AGMO: variants seen among roughly 807,000 people sequenced by gnomAD.
AGMO encodes the protein alkylglycerol monooxygenase.
A neutral mutation model predicts 60.2 loss-of-function variants in AGMO; 75 were observed. The ratio of observed to expected loss-of-function variants is 1.25; its 90% CI spans 1.03 to 1.51. The LOEUF is 1.51. AGMO is among the 40% of genes most tolerant of loss of function. AGMO has a pLI of 0.00. For synonymous variants in AGMO, 261 were observed against 177.1 expected, an observed-to-expected ratio of 1.47 and a Z score of -3.76; for missense variants, 763 against 525.5, an observed-to-expected ratio of 1.45 and a Z score of -4.42.
intron 3 of AGMO, among the ~76,000 whole-genome samples, chr7:15,534,338 G>A (rs1481745861): frequency 6.6e-6 from 1 of 151,890 alleles, no homozygotes; most frequent in Non-Finnish European, 1.5e-5. Flanking sequence ...CTTTAAAATA[G>A]CAAATTAAAA....
chr7:15,342,802 A>C (rs893435210), intron 12 of AGMO, among the ~76,000 whole-genome samples: 1 of 107,180 alleles, frequency 9.3e-6, no homozygotes, highest in African/African-American at 4.7e-5. Flanking sequence ...AAAAAAAAAA[A>C]AAATTGATCT....
At chr7:15,260,104 T>A (rs1411139656) in intron 12 of AGMO, among the ~76,000 whole-genome samples, 2 of 151,316 alleles carry the variant, frequency 1.3e-5, no homozygotes, top group Non-Finnish European at 2.9e-5. Context: ...AAAATTGAAT[T>A]TAAATGGCCT....
intron 2 of AGMO, among the ~76,000 whole-genome samples, chr7:15,546,447 T>C (rs967735961): frequency 6.6e-6 from 1 of 152,226 alleles, no homozygotes; most frequent in East Asian, 1.9e-4. Context: ...CTGAATACTC[T>C]AGAATACATT....
chr7:15,223,951 G>C (rs1184390415), intron 12 of AGMO, among the ~76,000 whole-genome samples: 1 of 151,962 alleles, frequency 6.6e-6, no homozygotes, highest in South Asian at 2.1e-4. Context: ...AACAAACTTG[G>C]CTGGAGGCTA....
intron 3 of AGMO, among the ~76,000 whole-genome samples, chr7:15,525,604 A>G (rs1199629943): frequency 6.6e-6 from 1 of 152,090 alleles, no homozygotes; most frequent in Non-Finnish European, 1.5e-5. Flanking sequence ...ACTTTCAGGG[A>G]GATCTCATTC....
chr7:15,552,158 C>G (rs1583681420), intron 2 of AGMO, among the ~76,000 whole-genome samples: 1 of 152,112 alleles, frequency 6.6e-6, no homozygotes, highest in African/African-American at 2.4e-5. Flanking sequence ...ACACCCTATA[C>G]AAAAATCAAT....
intron 12 of AGMO, among the ~76,000 whole-genome samples, chr7:15,269,022 TTTC>T (rs1353403271): frequency 2.0e-5 from 3 of 152,058 alleles, no homozygotes; most frequent in Non-Finnish European, 4.4e-5. Flanking sequence ...ATTGAGCAAA[TTTC>T]TTCTATAAAG....
chr7:15,343,445 G>C (rs147156863), intron 12 of AGMO, among the ~76,000 whole-genome samples: 5 of 152,122 alleles, frequency 3.3e-5, no homozygotes, highest in African/African-American at 1.2e-4. Flanking sequence ...TTAGGATTAA[G>C]AGATTTTAGA....
chr7:15,223,017 G>T (rs1387200576), intron 12 of AGMO, among the ~76,000 whole-genome samples: 1 of 151,904 alleles, frequency 6.6e-6, no homozygotes, highest in East Asian at 1.9e-4. Context: ...GTCTATGATT[G>T]TGTGTAATGT....
intron 3 of AGMO, among the ~76,000 whole-genome samples, chr7:15,536,412 A>T (rs999385139): frequency 6.6e-6 from 1 of 151,988 alleles, no homozygotes; most frequent in African/African-American, 2.4e-5. Flanking sequence ...CATTTCAGAA[A>T]TAAGAATTTT....
chr7:15,252,666 CAGA>C (rs1047070878), intron 12 of AGMO, among the ~76,000 whole-genome samples: 30 of 152,146 alleles, frequency 2.0e-4, no homozygotes, highest in African/African-American at 7.2e-4. Context: ...TGTAGGCTTA[CAGA>C]GGACAAGGCA....
chr7:15,159,035 A>T, the AGMO span, among the ~76,000 whole-genome samples: 93 of 152,266 alleles, frequency 6.1e-4, no homozygotes, highest in African/African-American at 2.2e-3. Context: ...TTATACACAT[A>T]TTAGTTTCTC....
intron 3 of AGMO, among the ~76,000 whole-genome samples, chr7:15,489,871 T>C (rs1232494778): frequency 6.6e-6 from 1 of 152,138 alleles, no homozygotes; most frequent in African/African-American, 2.4e-5. Context: ...ATAACAAAGG[T>C]AACAATATTT....
At chr7:15,387,746 T>C (rs1474114112) in intron 8 of AGMO, among the ~76,000 whole-genome samples, 1 of 152,136 alleles carries the variant, frequency 6.6e-6, no homozygotes, top group Admixed American at 6.5e-5. Flanking sequence ...GTTGTCAATA[T>C]ATCTAAAGTT....
At chr7:15,455,452 A>G (rs1218823842) in intron 3 of AGMO, among the ~76,000 whole-genome samples, 1 of 152,002 alleles carries the variant, frequency 6.6e-6, no homozygotes, top group Non-Finnish European at 1.5e-5. Flanking sequence ...GGTTGGCTTC[A>G]TATTTTTCCT....
intron 3 of AGMO, among the ~76,000 whole-genome samples, chr7:15,470,623 A>ACTT (rs927995283): frequency 6.6e-6 from 1 of 151,980 alleles, no homozygotes; most frequent in Non-Finnish European, 1.5e-5. Flanking sequence ...TCAAACCCTT[A>ACTT]CAATGCTGAA....
the AGMO span, among the ~76,000 whole-genome samples, chr7:15,137,022 G>T: frequency 6.6e-6 from 1 of 152,122 alleles, no homozygotes; most frequent in Non-Finnish European, 1.5e-5. Context: ...ATATTCCAGA[G>T]ATGTAAGATT....
chr7:15,543,487 C>A (rs1784686446), intron 3 of AGMO, among the ~76,000 whole-genome samples: 1 of 152,118 alleles, frequency 6.6e-6, no homozygotes, highest in Admixed American at 6.6e-5. Flanking sequence ...CAGAAAAGTG[C>A]ATATGGTCAG....
chr7:15,201,690 A>C (rs1209079092), intron 12 of AGMO, among the ~76,000 whole-genome samples: 3 of 152,166 alleles, frequency 2.0e-5, no homozygotes, highest in Non-Finnish European at 4.4e-5. Context: ...TGCTGTATGC[A>C]TTATACTAGA....
Sources: allele counts gnomAD v4.1 joint callset (sites outside exome capture counted in the v4.1 genomes callset), GRCh38; gene constraint gnomAD v4.1.1; transcripts MANE v1.5; gene names NCBI Gene and HGNC (gene_info 2026-07-23, HGNC 2026-07-21).